Variants in IFT57 observed in about 807,000 individuals in gnomAD.
The protein encoded by IFT57 is intraflagellar transport protein 57 homolog.
A neutral mutation model predicts 56.8 loss-of-function variants in IFT57; 59 were observed. The observed-to-expected ratio is 1.04, with a 90% confidence interval of 0.84 to 1.29. IFT57 has a LOEUF of 1.29. Ranked by LOEUF, IFT57 falls within the 50% of genes most tolerant of loss-of-function variation. The pLI is 0.00. For missense variants in IFT57, 470 were observed against 522.1 expected (o/e 0.90, Z 0.97); for synonymous variants, 209 against 186.1 (o/e 1.12, Z -1.00).
intron 6 of IFT57, among the ~76,000 whole-genome samples, chr3:108,173,852 A>G (rs1162154825): frequency 1.4e-5 from 2 of 144,604 alleles, no homozygotes; most frequent in Admixed American, 1.4e-4. Context: ...AAACATTAAA[A>G]TGTTAAATTC....
At chr3:108,186,896 T>C (rs1263647254) in intron 6 of IFT57, among the ~76,000 whole-genome samples, 2 of 152,204 alleles carry the variant, frequency 1.3e-5, no homozygotes, top group East Asian at 3.8e-4. Context: ...CTTATGATTC[T>C]TTTAACATTT....
chr3:108,206,163 ATAGAT>A lies in IFT57; in HGVS notation c.654+460_654+464del, dbSNP rs376517056. ...AATATCTCATTGTATATGTACTTTTATAGATTAGATTTATTTCATAATTAAAACAG... is the reference window on the plus strand; with the variant it reads ...AATATCTCATTGTATATGTACTTTTATAGATTTATTTCATAATTAAAACAG... On this transcript the variant is annotated intron_variant, in intron 5 of 10. Coordinates refer to ENST00000264538, the MANE Select transcript of IFT57 (RefSeq NM_018010.4). 4.6e-3 allele frequency among the ~76,000 whole-genome samples: 664 copies of A among 145,016 alleles called. 3 individuals are homozygous for A. Among genetic ancestry groups the A allele is most frequent in the African/African-American group, 0.016 (628 of 39,390 alleles).
At chr3:108,175,913 T>G (rs148555437) in intron 6 of IFT57, among the ~76,000 whole-genome samples, 5 of 151,918 alleles carry the variant, frequency 3.3e-5, no homozygotes, top group African/African-American at 1.2e-4. Context: ...CTTTTTTCTA[T>G]GCTCAGAAAA....
chr3:108,214,499 T>C (rs560256960), intron 3 of IFT57, among the ~76,000 whole-genome samples: 5 of 152,284 alleles, frequency 3.3e-5, no homozygotes, highest in Admixed American at 2.0e-4. Context: ...TAAACAACTT[T>C]GTACAGTATT....
At chr3:108,165,780 C>T (rs955441532) in intron 8 of IFT57, among the ~76,000 whole-genome samples, 1 of 151,988 alleles carries the variant, frequency 6.6e-6, no homozygotes, top group African/African-American at 2.4e-5. Context: ...TTGGTCATTC[C>T]TAAACAGTTT....
Position 108,161,206 on chromosome 3 carries a change from A to G in IFT57, c.*1271T>C, listed in dbSNP as rs1015634073. On this transcript the variant is annotated 3_prime_UTR_variant, in exon 11 of 11. Coordinates refer to ENST00000264538, the MANE Select transcript of IFT57 (RefSeq NM_018010.4). ...GATTTTAAAAAATGCTTATTTTCCC[A>G]TGGTGGGTTTTCTGCCTTTTTTTTT... 7.2e-6 allele frequency: 1 copy of G among 137,956 alleles called. No homozygotes were observed. The allele number at this position is 137,956 out of a possible 1,614,324, so 8.5% of individuals were successfully genotyped here. A position where few individuals can be genotyped will look rare whatever the true frequency, so the allele number is the denominator to read the frequency against.
chr3:108,163,200 G>C (rs1269210613), intron 10 of IFT57, among the ~76,000 whole-genome samples: 1 of 152,078 alleles, frequency 6.6e-6, no homozygotes, highest in Non-Finnish European at 1.5e-5. Context: ...ATTACCAGAG[G>C]ATGATTAATT....
At chr3:108,221,974 G>T in intron 1 of IFT57, 137 bp downstream of exon 1, 1 of 1,462,250 alleles carries the variant, frequency 6.8e-7, no homozygotes, top group Non-Finnish European at 9.1e-7. Flanking sequence ...TTGGGGTGAA[G>T]TGCCCTTCCC....
At chr3:108,205,415 A>G (rs9836172) in intron 5 of IFT57, among the ~76,000 whole-genome samples, 14,570 of 152,052 alleles carry the variant, frequency 0.096, 758 homozygotes, top group Middle Eastern at 0.12. Flanking sequence ...AGTTGACCAC[A>G]ACGTTATATT....
At chr3:108,199,736 G>A (rs1023982861) in intron 5 of IFT57, among the ~76,000 whole-genome samples, 2 of 152,114 alleles carry the variant, frequency 1.3e-5, no homozygotes, top group African/African-American at 2.4e-5. Context: ...TAATCCTCAC[G>A]AATAAAACAT....
At chr3:108,222,023 C>T in intron 1 of IFT57, 88 bp downstream of exon 1, 17 of 1,525,444 alleles carry the variant, frequency 1.1e-5, no homozygotes, top group Non-Finnish European at 1.4e-5. Flanking sequence ...CTAACCCGCT[C>T]TCACGAAACT....
Position 108,162,451 on chromosome 3 carries a change from A to G in IFT57, c.*26T>C, listed in dbSNP as rs1158641656. 1.3e-6 allele frequency: 2 copies of G among 1,554,084 alleles called. No homozygotes were observed. The highest frequency in any genetic ancestry group is 2.8e-5 in the African/African-American group (2 of 72,606). On this transcript the variant is annotated 3_prime_UTR_variant, in exon 11 of 11. Transcript: ENST00000264538. Reference sequence around the variant, plus strand: ...TAGTTTGATATAAAAAACCCAACTAATCAGAAACATGAAAACCAGTATGTT... The same window carrying G: ...TAGTTTGATATAAAAAACCCAACTAGTCAGAAACATGAAAACCAGTATGTT...
chr3:108,213,849 A>G, intron 4 of IFT57, 82 bp downstream of exon 4: 1 of 761,080 alleles, frequency 1.3e-6, no homozygotes, highest in Non-Finnish European at 2.2e-6. Context: ...TATATTCCAG[A>G]TAATGGAAGT....
intron 10 of IFT57, among the ~76,000 whole-genome samples, 153 bp downstream of exon 10, chr3:108,163,510 C>T (rs28483736): frequency 0.096 from 14,671 of 152,066 alleles, 770 homozygotes; most frequent in Middle Eastern, 0.12. Flanking sequence ...AAAAACAGTA[C>T]GCTGATTATC....
In IFT57 at chr3:108,162,593, T is replaced by C; in HGVS notation, c.1174A>G (p.Ile392Val). Residue 392 changes from isoleucine to valine, a missense_variant, in exon 11 of 11, where the codon ATT (isoleucine) becomes GTT (valine). Coordinates refer to ENST00000264538, the MANE Select transcript of IFT57 (RefSeq NM_018010.4). ...KLKQETVEMDIRIGIVEHTLL... is the reference protein window; with the variant it reads ...KLKQETVEMDVRIGIVEHTLL... Reference sequence around the variant, plus strand: ...GTGTGTTCCACAATGCCAATTCTAATGTCCATCTCTACAGTTTCTTGCTTC... The same window carrying C: ...GTGTGTTCCACAATGCCAATTCTAACGTCCATCTCTACAGTTTCTTGCTTC... 6.2e-7 allele frequency: 1 copy of C among 1,613,120 alleles called. No homozygotes were observed. The highest frequency in any genetic ancestry group is 2.2e-5 in the East Asian group (1 of 44,842).
chr3:108,204,641 G>A (rs1271790085), intron 5 of IFT57, among the ~76,000 whole-genome samples: 1 of 152,030 alleles, frequency 6.6e-6, no homozygotes, highest in Non-Finnish European at 1.5e-5. Flanking sequence ...AGGAGCACTC[G>A]GTCATCATCA....
rs2080030408 is a variant in IFT57, at chr3:108,161,274, T to C, written c.*1203A>G. 6.6e-6 allele frequency: 1 copy of C among 151,578 alleles called. No homozygotes were observed. The highest frequency in any genetic ancestry group is 1.5e-5 in the Non-Finnish European group (1 of 67,866). 9.4% of individuals were successfully genotyped at this position (151,578 alleles called of 1,614,324 possible). A position where few individuals can be genotyped will look rare whatever the true frequency, so the allele number is the denominator to read the frequency against. ...ACTGGCATATTTGTCATTGTATTGA[T>C]TGTCATCCTTTCAGGTAGTTTACAT... On this transcript the variant is annotated 3_prime_UTR_variant, in exon 11 of 11. Coordinates refer to ENST00000264538, the MANE Select transcript of IFT57 (RefSeq NM_018010.4).
chr3:108,211,621 G>T (rs1285948649), intron 4 of IFT57, among the ~76,000 whole-genome samples: 1 of 152,228 alleles, frequency 6.6e-6, no homozygotes, highest in Non-Finnish European at 1.5e-5. Flanking sequence ...CAGAATGAAT[G>T]AATATATCTT....
At chr3:108,202,897 A>T (rs1389213582) in intron 5 of IFT57, among the ~76,000 whole-genome samples, 1 of 152,232 alleles carries the variant, frequency 6.6e-6, no homozygotes, top group Non-Finnish European at 1.5e-5. Context: ...TGTTCATGAA[A>T]CTACTGCTGT....
Sources: allele counts gnomAD v4.1 joint callset (sites outside exome capture counted in the v4.1 genomes callset), GRCh38; gene constraint gnomAD v4.1.1; transcripts MANE v1.5; gene names NCBI Gene and HGNC (gene_info 2026-07-23, HGNC 2026-07-21).